The following NFATC2 variants were observed in gnomAD, a reference collection of about 807,000 sequenced individuals.
The protein encoded by NFATC2 is nuclear factor of activated T-cells, cytoplasmic 2.
NFATC2 carries 22 observed loss-of-function variants against 87.3 expected under a neutral mutation model. The ratio of observed to expected loss-of-function variants is 0.25; its 90% confidence interval spans 0.18 to 0.36. NFATC2 has a LOEUF of 0.36. Among genes scored for constraint, NFATC2 ranks in the 10% least tolerant of loss-of-function variants. NFATC2 has a pLI of 1.00. For missense variants in NFATC2, 1,149 were observed against 1,259.1 expected (o/e 0.91, Z 1.32); for synonymous variants, 565 against 542.2 (o/e 1.04, Z -0.58).
chr20:51,444,019 A>T (rs1057212728), intron 6 of NFATC2, among the ~76,000 whole-genome samples: 1 of 152,038 alleles, frequency 6.6e-6, no homozygotes, highest in Non-Finnish European at 1.5e-5. Context: ...GTCTCACTTC[A>T]TTGCCCAGGC....
intron 3 of NFATC2, among the ~76,000 whole-genome samples, chr20:51,500,638 TCACCCTCACCACCCCCCCCTCCACCCC>T (rs1434561590): frequency 2.3e-4 from 7 of 30,572 alleles, no homozygotes; most frequent in Admixed American, 3.8e-4. Context: ...CCCTCCACCC[TCACCCTCACCACCCCCCCCTCCACCCC>T]CACCCTCACC....
At chr20:51,450,548 T>C (rs1985638337) in intron 6 of NFATC2, among the ~76,000 whole-genome samples, 1 of 152,204 alleles carries the variant, frequency 6.6e-6, no homozygotes. Flanking sequence ...ACTAAGTGCA[T>C]GCTGCTTATT....
At chr20:51,514,385 C>G (rs1190580902) in intron 3 of NFATC2, among the ~76,000 whole-genome samples, 1 of 152,194 alleles carries the variant, frequency 6.6e-6, no homozygotes, top group Non-Finnish European at 1.5e-5. Context: ...TGTTGAGTGC[C>G]TGCTATGTTT....
intron 1 of NFATC2, among the ~76,000 whole-genome samples, chr20:51,558,477 GT>G (rs201056893): frequency 2.0e-5 from 3 of 151,154 alleles, no homozygotes; most frequent in Non-Finnish European, 4.4e-5. Flanking sequence ...TTAGGCATTG[GT>G]TTTTTTGGGG....
At position 51,454,646 on chromosome 20, in the gene NFATC2, T is replaced by C. The variant is rs552141847; in HGVS notation, c.1751A>G (p.Asp584Gly). Residue 584 changes from aspartate (D) to glycine (G), a missense_variant, in exon 6 of 11, where the codon GAC (aspartate) becomes GGC (glycine). Around this residue, in one of 3 missense-constraint regions of NFATC2, gnomAD observed 581 missense variants for 649.7 expected, o/e 0.89. Transcript: ENST00000371564. ...GCCATAGACCAGGCAGCTGTCTGTGTCTTGTCTTTCAACCATGGGCAGCTC... is the reference window on the plus strand; with the variant it reads ...GCCATAGACCAGGCAGCTGTCTGTGCCTTGTCTTTCAACCATGGGCAGCTC... ...AHELPMVERQ[D>G]TDSCLVYGGQ... 1 of 1,613,960 alleles carries C rather than the reference T, an allele frequency of 6.2e-7. No individual in the cohort carries two copies. The highest frequency in any genetic ancestry group is 1.3e-5 in the African/African-American group (1 of 74,922).
In NFATC2 at chr20:51,556,437, C is replaced by T. The variant is rs187739049; in HGVS notation, c.70+6123G>A. ...ACTTCCTTTGGTCCCTGGTCCTTGACGGCATCTGAAGTCATCCTGGCTATT... is the reference window on the plus strand; with the variant it reads ...ACTTCCTTTGGTCCCTGGTCCTTGATGGCATCTGAAGTCATCCTGGCTATT... On this transcript the variant is annotated intron_variant, in intron 1 of 10. Transcript: ENST00000414705. 1.8e-3 allele frequency among the ~76,000 whole-genome samples: 280 copies of T among 152,236 alleles called. 2 individuals carry two copies. Among genetic ancestry groups the T allele is most frequent in the East Asian group, 5.8e-4 (3 of 5,186 alleles).
chr20:51,525,293 G>A (rs942335899), intron 1 of NFATC2, among the ~76,000 whole-genome samples: 4 of 152,004 alleles, frequency 2.6e-5, no homozygotes, highest in Admixed American at 6.5e-5. Context: ...CTCTTTTAGC[G>A]GCTGCCTAGC....
chr20:51,395,578 A>G (rs1411486679), intron 10 of NFATC2, among the ~76,000 whole-genome samples: 1 of 42,682 alleles, frequency 2.3e-5, no homozygotes, highest in Non-Finnish European at 4.1e-5. Flanking sequence ...GAGGTGCCCT[A>G]AAAGACTGAT....
intron 6 of NFATC2, among the ~76,000 whole-genome samples, chr20:51,442,806 G>A (rs1000298773): frequency 1.3e-5 from 2 of 151,344 alleles, no homozygotes; most frequent in Admixed American, 1.3e-4. Flanking sequence ...GAGGGAGGCT[G>A]GGCATGGACC....
intron 6 of NFATC2, among the ~76,000 whole-genome samples, chr20:51,444,225 G>A (rs980951893): frequency 2.6e-5 from 4 of 151,788 alleles, no homozygotes; most frequent in Non-Finnish European, 4.4e-5. Flanking sequence ...CAGGTGATCC[G>A]CCCGCCTTGG....
chr20:51,511,562 C>A (rs1313247718), intron 3 of NFATC2, among the ~76,000 whole-genome samples: 1 of 152,218 alleles, frequency 6.6e-6, no homozygotes, highest in African/African-American at 2.4e-5. Context: ...GCAATCTTCC[C>A]CCAAGAAAAC....
intron 9 of NFATC2, among the ~76,000 whole-genome samples, chr20:51,401,911 A>C (rs927838017): frequency 6.6e-6 from 1 of 152,218 alleles, no homozygotes. Context: ...CTCCTTGACA[A>C]ATATACAACT....
At chr20:51,486,574 T>C (rs558856963) in intron 3 of NFATC2, among the ~76,000 whole-genome samples, 1 of 151,810 alleles carries the variant, frequency 6.6e-6, no homozygotes, top group South Asian at 2.1e-4. Context: ...TTTATGTGTT[T>C]GCTTATTGCC....
intron 1 of NFATC2, among the ~76,000 whole-genome samples, chr20:51,561,489 AAGCAAGCAAGC>A (rs61544214): frequency 0.037 from 3,184 of 86,366 alleles, 44 homozygotes; most frequent in Admixed American, 0.053. Flanking sequence ...GAAAGAAAGC[AAGCAAGCAAGC>A]AAGCAAGCAA....
At chr20:51,463,814 A>C (rs1483692624) in intron 5 of NFATC2, among the ~76,000 whole-genome samples, 1 of 152,118 alleles carries the variant, frequency 6.6e-6, no homozygotes. Context: ...GGGCCTTCTG[A>C]GGTTATGATG....
chr20:51,453,786 G>T (rs759749047), intron 6 of NFATC2, among the ~76,000 whole-genome samples: 2 of 152,202 alleles, frequency 1.3e-5, no homozygotes, highest in Non-Finnish European at 2.9e-5. Flanking sequence ...TTCTGGGATG[G>T]GGGTGAAACT....
chr20:51,394,769 GC>G (rs753584008), intron 10 of NFATC2, among the ~76,000 whole-genome samples: 5 of 152,144 alleles, frequency 3.3e-5, no homozygotes, highest in Non-Finnish European at 5.9e-5. Flanking sequence ...CTGTATTATT[GC>G]CATCAACATT....
intron 1 of NFATC2, among the ~76,000 whole-genome samples, chr20:51,539,107 G>T (rs1369626689): frequency 6.6e-6 from 1 of 152,082 alleles, no homozygotes; most frequent in Admixed American, 6.6e-5. Flanking sequence ...GGTTGGAGTG[G>T]AATCACATGG....
intron 1 of NFATC2, among the ~76,000 whole-genome samples, chr20:51,554,643 A>T (rs189829433): frequency 1.3e-5 from 2 of 152,368 alleles, no homozygotes; most frequent in Non-Finnish European, 2.9e-5. Flanking sequence ...AATTACTAAT[A>T]GCCCACTTTT....
Sources: allele counts gnomAD v4.1 joint callset (sites outside exome capture counted in the v4.1 genomes callset), GRCh38; gene constraint gnomAD v4.1.1; regional missense constraint gnomAD v4.1.1; transcripts MANE v1.5; gene names NCBI Gene and HGNC (gene_info 2026-07-23, HGNC 2026-07-21).